Variants in FRYL observed in about 807,000 individuals in gnomAD.
The protein encoded by FRYL is protein furry homolog-like.
Under a neutral mutation model 351.2 loss-of-function variants are expected in FRYL, and 150 were observed. That is an observed-to-expected ratio of 0.43 (90% CI 0.37 to 0.49). The LOEUF (loss-of-function observed/expected upper bound fraction) is 0.49, where lower values mean the gene tolerates loss of function less well. FRYL is among the 20% of genes least tolerant of loss of function. The pLI is 0.00. For missense variants in FRYL, 3,036 were observed against 3,619.3 expected, an observed-to-expected ratio of 0.84 and a Z score of 4.13; for synonymous variants, 1,153 against 1,257.1, an observed-to-expected ratio of 0.92 and a Z score of 1.75.
intron 3 of FRYL, among the ~76,000 whole-genome samples, chr4:48,678,810 G>T (rs941573888): frequency 6.6e-6 from 1 of 151,914 alleles, no homozygotes; most frequent in African/African-American, 2.4e-5. Context: ...TTTTGATCTT[G>T]ACTAGTAAAA....
chr4:48,508,257 T>C (rs1242078219), intron 59 of FRYL, among the ~76,000 whole-genome samples: 3 of 152,228 alleles, frequency 2.0e-5, no homozygotes, highest in Admixed American at 6.5e-5. Context: ...AATTTCCATA[T>C]AAATTTTAGA....
At chr4:48,738,547 A>AACT (rs1314191774) in intron 1 of FRYL, among the ~76,000 whole-genome samples, 2 of 152,016 alleles carry the variant, frequency 1.3e-5, no homozygotes, top group Non-Finnish European at 2.9e-5. Context: ...CACCCAGGCT[A>AACT]GAGTGCATGG....
intron 3 of FRYL, chr4:48,646,089 G>A (rs898030497): frequency 1.6e-4 from 24 of 152,088 alleles, no homozygotes; most frequent in African/African-American, 5.3e-4. Context: ...AAAAAGGATC[G>A]ACTTAATGTA....
At chr4:48,729,804 G>GA (rs1477387809) in intron 1 of FRYL, among the ~76,000 whole-genome samples, 2 of 152,142 alleles carry the variant, frequency 1.3e-5, no homozygotes, top group Non-Finnish European at 2.9e-5. Context: ...CAGAAAGGCT[G>GA]AAAAGTCCAA....
intron 1 of FRYL, among the ~76,000 whole-genome samples, chr4:48,763,770 C>A (rs7660206): frequency 6.6e-6 from 1 of 151,954 alleles, no homozygotes; most frequent in Non-Finnish European, 1.5e-5. Context: ...TCGACATGTA[C>A]TAGAAGTCCA....
chr4:48,709,704 C>T lies in FRYL; in HGVS notation c.-204+815G>A, dbSNP rs577574163. On this transcript the variant is annotated intron_variant, in intron 2 of 63. Coordinates refer to ENST00000358350, the MANE Select transcript of FRYL (RefSeq NM_015030.2). ...TTTAGTCTAATTCACCCATTTCAGA[C>T]GAGAAAACTGCGTCTACCAAGGCTA... Among the ~76,000 whole-genome samples, 15 of 152,236 alleles carry T rather than the reference C, an allele frequency of 9.9e-5. No individual in the cohort carries two copies. The East Asian group carries it at 1.2e-3, about 12-fold the overall frequency.
chr4:48,552,672 G>A (rs914343783), intron 36 of FRYL, among the ~76,000 whole-genome samples: 2 of 151,750 alleles, frequency 1.3e-5, no homozygotes, highest in African/African-American at 4.8e-5. Flanking sequence ...CATTCTAGCC[G>A]ATATGAAAAA....
rs769386478 is a variant in FRYL at position 48,531,188 on chromosome 4, T to C, written c.6871A>G (p.Lys2291Glu). ...FNNVSKELPG[K>E]TLDFHFDISE... is the part of the protein sequence containing the mutation. ...ATATCAAAATGAAAATCTAAGGTCT[T>C]CCCAGGCAACTCCTTAGAAACATTA... Residue 2291 changes from lysine to glutamate, a missense_variant, in exon 50 of 64, where the codon AAG becomes GAG. This residue lies in a region of FRYL where 1,987 missense variants were observed against 2,311.7 expected (regional missense o/e 0.86). Coordinates refer to ENST00000358350, the MANE Select transcript of FRYL (RefSeq NM_015030.2). The C allele has an allele frequency of 6.2e-7, 1 of 1,610,850 alleles. No individual in the cohort carries two copies. Among genetic ancestry groups the C allele is most frequent in the Non-Finnish European group, 8.5e-7 (1 of 1,177,178 alleles).
chr4:48,593,883 A>T, intron 16 of FRYL, 47 bp downstream of exon 16: 3 of 639,366 alleles, frequency 4.7e-6, no homozygotes, highest in Non-Finnish European at 6.9e-6. Context: ...TCATGCTCTT[A>T]AAAAAAAAAT....
Position 48,547,768 on chromosome 4 carries a change from C to G in FRYL, c.4890G>C (p.Gly1630=). The change falls in exon 41 of 64, where the codon GGG becomes GGC. Residue 1630 remains glycine (G), a splice_region_variant and synonymous_variant. Transcript: ENST00000358350. ...ACACCTCAGGGTGGCAGTGGTCAAA[C>G]CCTAAAAAGGATAGTAGAGAAACAT... is the stretch of plus-strand genomic sequence containing the variant. ...LHLLLHAIFI[G]FDHCHPEVYE... is the part of the protein sequence containing the mutation. 6.7e-7 allele frequency: 1 copy of G among 1,482,428 alleles called. No homozygotes were observed. Among genetic ancestry groups the G allele is most frequent in the Non-Finnish European group, 9.1e-7 (1 of 1,100,886 alleles). The allele number at this position is 1,482,428 out of a possible 1,614,324, so 91.8% of individuals were successfully genotyped here.
At chr4:48,541,294 T>C (rs1300347012) in intron 45 of FRYL, among the ~76,000 whole-genome samples, 2 of 152,218 alleles carry the variant, frequency 1.3e-5, no homozygotes, top group African/African-American at 4.8e-5. Flanking sequence ...GTCCTCAAAC[T>C]TGATGGTCCT....
chr4:48,688,323 T>C (rs940685711), intron 2 of FRYL, among the ~76,000 whole-genome samples: 3 of 152,226 alleles, frequency 2.0e-5, no homozygotes, highest in African/African-American at 7.2e-5. Flanking sequence ...AAAATGATTG[T>C]AGTTCCTGTA....
chr4:48,578,716 C>T (rs1313537168), intron 23 of FRYL, among the ~76,000 whole-genome samples: 3 of 152,098 alleles, frequency 2.0e-5, no homozygotes, highest in Non-Finnish European at 4.4e-5. Flanking sequence ...ATTCGATGGA[C>T]ACAACTATGT....
intron 3 of FRYL, among the ~76,000 whole-genome samples, chr4:48,677,489 C>T (rs1763902387): frequency 6.6e-6 from 1 of 151,796 alleles, no homozygotes; most frequent in African/African-American, 2.4e-5. Context: ...CGGCTCACTG[C>T]AACCTCATCC....
chr4:48,587,479 C>T (rs189800596), intron 18 of FRYL, among the ~76,000 whole-genome samples: 26 of 152,038 alleles, frequency 1.7e-4, no homozygotes, highest in African/African-American at 5.8e-4. Context: ...TTCAGTTGGC[C>T]TAATAAAATA....
At chr4:48,775,863 C>T (rs1196289405) in intron 1 of FRYL, among the ~76,000 whole-genome samples, 1 of 152,008 alleles carries the variant, frequency 6.6e-6, no homozygotes, top group East Asian at 1.9e-4. Context: ...CTAGTGGCAG[C>T]TTTGTATCCT....
At chr4:48,599,402 T>C (rs1324575599) in intron 13 of FRYL, among the ~76,000 whole-genome samples, 2 of 152,238 alleles carry the variant, frequency 1.3e-5, no homozygotes, top group Non-Finnish European at 2.9e-5. Flanking sequence ...AAGCTATTTA[T>C]GGGCATATAG....
chr4:48,717,473 T>C lies in FRYL; in HGVS notation c.-383-6775A>G, dbSNP rs190561992. 6.9e-3 allele frequency among the ~76,000 whole-genome samples: 1,052 copies of C among 151,576 alleles called. 42 individuals carry two copies. The highest frequency in any genetic ancestry group is 0.011 in the Admixed American group (162 of 15,090). On this transcript the variant is annotated intron_variant, in intron 1 of 63. Transcript: ENST00000358350. ...GTACAGGGTTTCTTTCAGAGGGTGA[T>C]GAAAATGTTCTCAAAATCTATTATA...
chr4:48,543,815 C>T lies in FRYL; in HGVS notation c.5584G>A (p.Asp1862Asn). 1 of 1,612,894 alleles carries T rather than the reference C, an allele frequency of 6.2e-7. No individual in the cohort carries two copies. Among genetic ancestry groups the T allele is most frequent in the Non-Finnish European group, 8.5e-7 (1 of 1,179,412 alleles). Reference protein sequence around the residue: ...LVETVGDPGEDAQGFVIELLL... With the variant: ...LVETVGDPGENAQGFVIELLL... Reference sequence around the variant, plus strand: ...AGAATATAAGGAAATACCTGTGCATCTTCTCCTGGATCCCCTACAGTTTCT... The same window carrying T: ...AGAATATAAGGAAATACCTGTGCATTTTCTCCTGGATCCCCTACAGTTTCT... Residue 1862 changes from aspartate to asparagine, a missense_variant, in exon 44 of 64, where the codon GAT becomes AAT. Around this residue, in one of 7 missense-constraint regions of FRYL, gnomAD observed 1,987 missense variants for 2,311.7 expected, o/e 0.86. Transcript: ENST00000358350.
Sources: allele counts gnomAD v4.1 joint callset (sites outside exome capture counted in the v4.1 genomes callset), GRCh38; gene constraint gnomAD v4.1.1; regional missense constraint gnomAD v4.1.1; transcripts MANE v1.5; gene names NCBI Gene and HGNC (gene_info 2026-07-23, HGNC 2026-07-21).